The following ADAM28 variants were observed in gnomAD, a reference collection of about 807,000 sequenced individuals.
ADAM28 encodes the protein ADAM metallopeptidase domain 28.
A neutral mutation model predicts 101.2 loss-of-function variants in ADAM28; 105 were observed. The ratio of observed to expected loss-of-function variants is 1.04; its 90% CI spans 0.89 to 1.22. The LOEUF is 1.22. ADAM28 is among the 50% of genes most tolerant of loss of function. ADAM28 has a pLI of 0.00. For missense variants in ADAM28, 1,028 were observed against 945.4 expected, an observed-to-expected ratio of 1.09 and a Z score of -1.15; for synonymous variants, 322 against 310.6, an observed-to-expected ratio of 1.04 and a Z score of -0.39.
chr8:24,323,976 A>G lies in ADAM28; in HGVS notation c.863A>G (p.Lys288Arg), dbSNP rs781723050. Reference sequence around the variant, plus strand: ...AGGGGGAGTGTTCTCTCAAGAAGAAAGCGTCATGATATTGCTCAGTTAATC... The same window carrying G: ...AGGGGGAGTGTTCTCTCAAGAAGAAGGCGTCATGATATTGCTCAGTTAATC... ...KWRGSVLSRRKRHDIAQLITA... is the reference protein window; with the variant it reads ...KWRGSVLSRRRRHDIAQLITA... Residue 288 changes from lysine to arginine, a missense_variant, in exon 9 of 23, where the codon AAG becomes AGG. Coordinates refer to ENST00000265769, the MANE Select transcript of ADAM28 (RefSeq NM_014265.6). The G allele has an allele frequency of 1.9e-6, 3 of 1,611,910 alleles. No individual in the cohort carries two copies. The highest frequency in any genetic ancestry group is 4.5e-5 in the East Asian group (2 of 44,796).
At position 24,355,227 on chromosome 8, in the gene ADAM28, T is replaced by A. The variant is rs1208058061; in HGVS notation, c.*823T>A. On this transcript the variant is annotated 3_prime_UTR_variant, in exon 23 of 23. Transcript: ENST00000265769. ...AGCTTTGTCAGATGTAATCTAAAAGTAATCCGATGCTTTGTCAACAACAGA... is the reference window on the plus strand; with the variant it reads ...AGCTTTGTCAGATGTAATCTAAAAGAAATCCGATGCTTTGTCAACAACAGA... 1 of 152,358 alleles carries A rather than the reference T, an allele frequency of 6.6e-6. No homozygotes were observed. Among genetic ancestry groups the A allele is most frequent in the Non-Finnish European group, 1.5e-5 (1 of 67,992 alleles). The allele number at this position is 152,358 out of a possible 1,614,324, so 9.4% of individuals were successfully genotyped here.
At chr8:24,310,881 A>G (rs1387697286) in intron 4 of ADAM28, among the ~76,000 whole-genome samples, 1 of 152,202 alleles carries the variant, frequency 6.6e-6, no homozygotes, top group Non-Finnish European at 1.5e-5. Context: ...TTTGCTCCAA[A>G]TGGAGGCAAG....
intron 15 of ADAM28, 28 bp downstream of exon 15, chr8:24,339,596 C>T: frequency 6.4e-7 from 1 of 1,551,880 alleles, no homozygotes; most frequent in Non-Finnish European, 8.9e-7. Flanking sequence ...AACCTTCCTG[C>T]TTCACAGACT....
intron 2 of ADAM28, among the ~76,000 whole-genome samples, chr8:24,303,490 C>A (rs1036192154): frequency 6.6e-6 from 1 of 152,110 alleles, no homozygotes; most frequent in African/African-American, 2.4e-5. Context: ...TATCCATTTC[C>A]ATTGGTCTAT....
intron 20 of ADAM28, 93 bp downstream of exon 20, chr8:24,351,403 A>G (rs771750617): frequency 2.2e-6 from 3 of 1,333,554 alleles, no homozygotes; most frequent in Non-Finnish European, 3.2e-6. Context: ...ATTTCTACCC[A>G]GCAGCGTTTT....
intron 13 of ADAM28, 137 bp from the exon 14 acceptor site, chr8:24,335,309 A>G: frequency 5.8e-6 from 8 of 1,378,514 alleles, no homozygotes. Context: ...AATTTATGAC[A>G]ATGTAAGCTT....
intron 21 of ADAM28, among the ~76,000 whole-genome samples, chr8:24,353,226 A>ATAT (rs1459549761): frequency 6.6e-6 from 1 of 152,114 alleles, no homozygotes; most frequent in Non-Finnish European, 1.5e-5. Context: ...TTATTAGGTG[A>ATAT]TATTTTACTT....
At chr8:24,316,180 TA>T (rs1811138301) in intron 6 of ADAM28, among the ~76,000 whole-genome samples, 1 of 151,900 alleles carries the variant, frequency 6.6e-6, no homozygotes, top group Non-Finnish European at 1.5e-5. Flanking sequence ...AAACATTCTA[TA>T]GCAGCTAGGA....
At chr8:24,297,604 C>T (rs1186044060) in intron 1 of ADAM28, among the ~76,000 whole-genome samples, 1 of 152,204 alleles carries the variant, frequency 6.6e-6, no homozygotes, top group African/African-American at 2.4e-5. Flanking sequence ...TTCTTGAACT[C>T]TCTATCTTAA....
rs2129350876 is a variant in ADAM28, at chr8:24,358,135, G to T, written c.*3731G>T. ...GATATTTTAAAAATTAAAGCAAAAT[G>T]TGTATAAACTTTATTACTGCTTCCC... On this transcript the variant is annotated 3_prime_UTR_variant, in exon 23 of 23. Transcript: ENST00000265769. The T allele has an allele frequency of 6.6e-6, 1 of 152,178 alleles. No individual in the cohort carries two copies. 9.4% of individuals were successfully genotyped at this position (152,178 alleles called of 1,614,324 possible). A position where few individuals can be genotyped will look rare whatever the true frequency, so the allele number is the denominator to read the frequency against.
At chr8:24,343,009 AAAC>A (rs1260381242) in intron 16 of ADAM28, 89 bp from the exon 17 acceptor site, 3 of 1,570,216 alleles carry the variant, frequency 1.9e-6, no homozygotes, top group East Asian at 2.3e-5. Context: ...GAGCCACCTT[AAAC>A]AACATCTGCT....
At chr8:24,307,589 C>T (rs2129255760) in intron 2 of ADAM28, among the ~76,000 whole-genome samples, 1 of 152,198 alleles carries the variant, frequency 6.6e-6, no homozygotes, top group African/African-American at 2.4e-5. Flanking sequence ...AAATAAATGA[C>T]CAAATGAGTA....
chr8:24,326,776 A>G (rs542344742), intron 10 of ADAM28, 141 bp downstream of exon 10: 1 of 717,116 alleles, frequency 1.4e-6, no homozygotes, highest in South Asian at 2.9e-5. Flanking sequence ...CAAATGTTGA[A>G]CTAATTTTGC....
At chr8:24,347,239 T>A (rs1020530628) in intron 18 of ADAM28, among the ~76,000 whole-genome samples, 3 of 152,126 alleles carry the variant, frequency 2.0e-5, no homozygotes, top group Non-Finnish European at 4.4e-5. Flanking sequence ...TGAACATTTA[T>A]CTAACTTTGC....
chr8:24,354,505 C>T lies in ADAM28; in HGVS notation c.*101C>T, dbSNP rs886824973. The stretch of plus-strand genomic sequence containing the variant: ...ACTATCTATCTCACCAGTATTTGCT[C>T]TCGACTCAAGAAGGTTAACATTTTC... On this transcript the variant is annotated 3_prime_UTR_variant, in exon 23 of 23. Transcript: ENST00000265769. 1 of 1,377,574 alleles carries T rather than the reference C, an allele frequency of 7.3e-7. No individual in the cohort carries two copies. Among genetic ancestry groups the T allele is most frequent in the Non-Finnish European group, 9.8e-7 (1 of 1,016,084 alleles). 85.3% of individuals were successfully genotyped at this position (1,377,574 alleles called of 1,614,324 possible).
chr8:24,342,899 G>T, intron 16 of ADAM28: 4 of 844,176 alleles, frequency 4.7e-6, no homozygotes, highest in Non-Finnish European at 1.7e-6. Context: ...TAAATTCTTA[G>T]ATAGACTTTA....
At chr8:24,326,765 T>G (rs530544041) in intron 10 of ADAM28, 130 bp downstream of exon 10, 18 of 790,922 alleles carry the variant, frequency 2.3e-5, no homozygotes, top group Non-Finnish European at 3.2e-5. Context: ...TGATTGAATT[T>G]CAAATGTTGA....
intron 9 of ADAM28, 152 bp downstream of exon 9, chr8:24,324,155 A>G (rs1303252523): frequency 1.6e-6 from 1 of 622,948 alleles, no homozygotes; most frequent in Non-Finnish European, 2.4e-6. Flanking sequence ...TTTGGATCCA[A>G]GTATTTTTTT....
chr8:24,332,792 T>G (rs201156237), intron 13 of ADAM28, 43 bp downstream of exon 13: 1 of 1,103,350 alleles, frequency 9.1e-7, no homozygotes, highest in Non-Finnish European at 1.2e-6. Context: ...GATTACATTT[T>G]TATACATTAA....
Sources: allele counts gnomAD v4.1 joint callset (sites outside exome capture counted in the v4.1 genomes callset), GRCh38; gene constraint gnomAD v4.1.1; transcripts MANE v1.5; gene names NCBI Gene and HGNC (gene_info 2026-07-23, HGNC 2026-07-21).